Variants in EHBP1 observed in about 807,000 individuals in gnomAD.
The protein encoded by EHBP1 is EH domain-binding protein 1.
A neutral mutation model predicts 144.0 loss-of-function variants in EHBP1; 55 were observed. The ratio of observed to expected loss-of-function variants is 0.38; its 90% confidence interval spans 0.31 to 0.48. The LOEUF is 0.48. Ranked by LOEUF, EHBP1 falls within the 20% of genes least tolerant of loss-of-function variation. The pLI is 0.98. For missense variants in EHBP1, 1,200 were observed against 1,364.2 expected (o/e 0.88, Z 1.90); for synonymous variants, 469 against 472.7 (o/e 0.99, Z 0.10).
intron 19 of EHBP1, among the ~76,000 whole-genome samples, chr2:63,036,675 A>C (rs546110933): frequency 1.3e-5 from 2 of 152,118 alleles, no homozygotes; most frequent in South Asian, 4.1e-4. Flanking sequence ...AGGGAGAGAA[A>C]GGAAGCTAGG....
In EHBP1 at chr2:62,837,566, T is replaced by C. The variant is rs1355597555; in HGVS notation, c.634+6408T>C. ...TGGCAAATTGGATAAAGAGTCAAGA[T>C]CCATCAGTGTGCTGTATTCAGGAAA... On this transcript the variant is annotated intron_variant, in intron 7 of 22. Coordinates refer to ENST00000431489, the MANE Select transcript of EHBP1 (RefSeq NM_001142616.3). Among the ~76,000 whole-genome samples, 1,268 of 151,624 alleles carry C rather than the reference T, an allele frequency of 8.4e-3. 4 individuals are homozygous for C. Among genetic ancestry groups the C allele is most frequent in the Admixed American group, 0.013 (203 of 15,222 alleles).
chr2:62,852,756 A>T (rs2048768964), intron 7 of EHBP1, among the ~76,000 whole-genome samples: 1 of 152,190 alleles, frequency 6.6e-6, no homozygotes, highest in Non-Finnish European at 1.5e-5. Context: ...ACACTCCATT[A>T]TATTTTTCCT....
At chr2:62,684,786 G>A (rs1331318796) in intron 1 of EHBP1, among the ~76,000 whole-genome samples, 1 of 152,210 alleles carries the variant, frequency 6.6e-6, no homozygotes, top group African/African-American at 2.4e-5. Context: ...GGAAGGGAAG[G>A]AGGGAGACAG....
At chr2:62,934,363 TTTC>T (rs1372924913) in intron 10 of EHBP1, among the ~76,000 whole-genome samples, 2 of 152,212 alleles carry the variant, frequency 1.3e-5, no homozygotes, top group African/African-American at 4.8e-5. Context: ...AATATTTGAA[TTTC>T]TTCTTTTATA....
chr2:62,815,951 A>G (rs2045413250), intron 5 of EHBP1, among the ~76,000 whole-genome samples: 1 of 152,236 alleles, frequency 6.6e-6, no homozygotes, highest in South Asian at 2.1e-4. Context: ...TGATAGAGCA[A>G]TGGATTTTAA....
At chr2:62,952,892 C>T (rs527553148) in intron 13 of EHBP1, among the ~76,000 whole-genome samples, 1 of 152,264 alleles carries the variant, frequency 6.6e-6, no homozygotes, top group African/African-American at 2.4e-5. Context: ...TTACATCCTA[C>T]TTTCAGGAAT....
At position 62,801,424 on chromosome 2, in the gene EHBP1, A is replaced by G. The variant is rs1405173976; in HGVS notation, c.313-24663A>G. On this transcript the variant is annotated intron_variant, in intron 5 of 22. Transcript: ENST00000431489. ...GAAGTGTTGTGAGTATATTACAGAC[A>G]TCATGACAGGACTGTTGCTAAACAC... 2.0e-5 allele frequency among the ~76,000 whole-genome samples: 3 copies of G among 152,346 alleles called. No homozygotes were observed. In the East Asian group the frequency reaches 5.8e-4, roughly 29 times the overall value.
chr2:62,901,325 C>T (rs1015627591), intron 10 of EHBP1, among the ~76,000 whole-genome samples: 1 of 152,098 alleles, frequency 6.6e-6, no homozygotes, highest in Non-Finnish European at 1.5e-5. Flanking sequence ...TGAATAGCAA[C>T]AAATTATAGA....
intron 1 of EHBP1, among the ~76,000 whole-genome samples, chr2:62,690,020 T>C (rs2033849889): frequency 6.6e-6 from 1 of 152,244 alleles, no homozygotes; most frequent in African/African-American, 2.4e-5. Flanking sequence ...CTGTGCTAAG[T>C]CCACTTTTTA....
chr2:62,831,652 A>C (rs2046831785), intron 7 of EHBP1, among the ~76,000 whole-genome samples: 1 of 152,228 alleles, frequency 6.6e-6, no homozygotes, highest in Non-Finnish European at 1.5e-5. Flanking sequence ...CAAGCTACTA[A>C]GATGTTAAGT....
At chr2:63,019,732 AG>A (rs1466050704) in intron 19 of EHBP1, among the ~76,000 whole-genome samples, 1 of 132,106 alleles carries the variant, frequency 7.6e-6, no homozygotes, top group Non-Finnish European at 1.6e-5. Context: ...AAGAAAGGGA[AG>A]GGAAGAGGAG....
intron 7 of EHBP1, among the ~76,000 whole-genome samples, chr2:62,849,393 C>G (rs1363268539): frequency 1.3e-5 from 2 of 152,066 alleles, no homozygotes; most frequent in East Asian, 3.9e-4. Flanking sequence ...GGACATCCAG[C>G]CCTGTCAAGC....
intron 11 of EHBP1, 82 bp from the exon 12 acceptor site, chr2:62,943,720 A>G: frequency 1.0e-6 from 1 of 969,638 alleles, no homozygotes; most frequent in Non-Finnish European, 1.5e-6. Flanking sequence ...ATTGAATGTC[A>G]AATTTTTAGA....
At chr2:62,798,530 C>A (rs545288752) in intron 5 of EHBP1, among the ~76,000 whole-genome samples, 1 of 151,878 alleles carries the variant, frequency 6.6e-6, no homozygotes, top group African/African-American at 2.4e-5. Context: ...CTGAGAAAGT[C>A]GATGAACTTG....
At chr2:62,949,270 T>C in intron 13 of EHBP1, 108 bp downstream of exon 13, 1 of 1,033,468 alleles carries the variant, frequency 9.7e-7, no homozygotes, top group Non-Finnish European at 1.4e-6. Flanking sequence ...GAAGTGTAAT[T>C]TCTATTATAA....
At chr2:62,859,658 GTC>G (rs1452632201) in intron 8 of EHBP1, among the ~76,000 whole-genome samples, 6 of 152,128 alleles carry the variant, frequency 3.9e-5, no homozygotes, top group Admixed American at 3.3e-4. Context: ...CCAACTCTAT[GTC>G]TCTCTAGCCG....
At chr2:62,784,182 C>T (rs933111203) in intron 5 of EHBP1, among the ~76,000 whole-genome samples, 2 of 152,142 alleles carry the variant, frequency 1.3e-5, no homozygotes, top group African/African-American at 4.8e-5. Flanking sequence ...GATGTATTTA[C>T]TTTATATTAA....
intron 13 of EHBP1, among the ~76,000 whole-genome samples, chr2:62,953,187 G>A (rs959626769): frequency 8.1e-5 from 11 of 136,456 alleles, no homozygotes; most frequent in Middle Eastern, 4.6e-3. Context: ...ATTGTACTCC[G>A]GCCTGGGCAA....
At chr2:62,688,690 T>C (rs2033803862) in intron 1 of EHBP1, among the ~76,000 whole-genome samples, 1 of 152,134 alleles carries the variant, frequency 6.6e-6, no homozygotes, top group Non-Finnish European at 1.5e-5. Flanking sequence ...AGATCAACTT[T>C]TTTTTTTTAG....
Sources: allele counts gnomAD v4.1 joint callset (sites outside exome capture counted in the v4.1 genomes callset), GRCh38; gene constraint gnomAD v4.1.1; transcripts MANE v1.5; gene names NCBI Gene and HGNC (gene_info 2026-07-23, HGNC 2026-07-21).